MAGED1: variants seen among roughly 807,000 people sequenced by gnomAD.
MAGED1 encodes MAGE family member D1, also known as melanoma-associated antigen D1.
In MAGED1, 3 loss-of-function variants were observed where a neutral mutation model predicts 54.1. That is an observed-to-expected ratio of 0.06 (90% CI 0.03 to 0.14). The LOEUF (loss-of-function observed/expected upper bound fraction) is 0.14, where lower values mean the gene tolerates loss of function less well. Ranked by LOEUF, MAGED1 falls within the 10% of genes least tolerant of loss-of-function variation. The pLI is 1.00. For synonymous variants in MAGED1, 217 were observed against 227.3 expected (o/e 0.95, Z 0.41); for missense variants, 485 against 623.4 (o/e 0.78, Z 2.36).
In MAGED1 at chrX:51,900,309, C is replaced by G. The variant is rs1557364780; in HGVS notation, c.1959+13C>G. On this transcript the variant is annotated intron_variant, in intron 11 of 12. Transcript: ENST00000326587. ...ATTCATTGCAGAGGTAATGGAGGAA[C>G]TGTTCCAGCATTGATAGGTCAAGGG... The G allele has an allele frequency of 2.5e-5, 29 of 1,158,137 alleles. No homozygotes were observed. The highest frequency in any genetic ancestry group is 4.7e-4 in the Middle Eastern group (2 of 4,227).
intron 11 of MAGED1, among the ~76,000 whole-genome samples, chrX:51,900,712 C>T (rs1056668831): frequency 1.8e-5 from 2 of 111,634 alleles, no homozygotes; most frequent in Non-Finnish European, 3.8e-5. Flanking sequence ...TCACTGCAAC[C>T]TCTGCCTCCC....
At chrX:51,837,447 T>G (rs782596141) in intron 1 of MAGED1, among the ~76,000 whole-genome samples, 1 of 112,025 alleles carries the variant, frequency 8.9e-6, no homozygotes, top group Non-Finnish European at 1.9e-5. Context: ...AAAGGGATGA[T>G]AGCAGTGATT....
chrX:51,828,508 A>T (rs898175936), intron 1 of MAGED1, among the ~76,000 whole-genome samples: 1 of 110,549 alleles, frequency 9.0e-6, no homozygotes, highest in African/African-American at 3.3e-5. Flanking sequence ...CTTGCAGGAC[A>T]TGTCAGCTTA....
In MAGED1 at chrX:51,898,096, C is replaced by A; in HGVS notation, c.1659-18C>A. On this transcript the variant is annotated intron_variant, in intron 7 of 12. Coordinates refer to ENST00000326587, the MANE Select transcript of MAGED1 (RefSeq NM_006986.4). ...TGCAAATGGCTACTGAAAATATATT[C>A]TTTCTATATTCCCTTAGGACCAAAG... 1.7e-6 allele frequency: 2 copies of A among 1,190,043 alleles called. No homozygotes were observed. Among genetic ancestry groups the A allele is most frequent in the Non-Finnish European group, 1.1e-6 (1 of 877,159 alleles).
chrX:51,867,096 C>T lies in MAGED1; in HGVS notation c.-36-27173C>T, dbSNP rs782593521. On this transcript the variant is annotated intron_variant, in intron 1 of 12. Transcript: ENST00000375772. ...ATCATCTTTATTACTGATAACACTT[C>T]AGAGAATATGGCTTTAATGTGGACT... 2.7e-5 allele frequency among the ~76,000 whole-genome samples: 3 copies of T among 111,899 alleles called. No homozygotes were observed. In the East Asian group the frequency reaches 8.5e-4, roughly 32 times the overall value.
In MAGED1 at chrX:51,898,652, T is replaced by C. The variant is rs782551759; in HGVS notation, c.1844+9T>C. On this transcript the variant is annotated intron_variant, in intron 10 of 12. Transcript: ENST00000326587. ...GAGTTTGTAAAGCAGAAGTAAGTGA[T>C]GCCTAAGGGGCTTTTCCTGCTTCTT... The C allele has an allele frequency of 2.8e-5, 34 of 1,198,741 alleles. No homozygotes were observed. The highest frequency in any genetic ancestry group is 8.9e-5 in the East Asian group (3 of 33,783).
intron 10 of MAGED1, 160 bp downstream of exon 10, chrX:51,898,803 G>T: frequency 2.3e-6 from 1 of 438,695 alleles, no homozygotes; most frequent in South Asian, 4.8e-5. Context: ...AGGAGTTCAA[G>T]ACCAGCCTGG....
At chrX:51,880,293 A>G (rs991062321) in intron 1 of MAGED1, among the ~76,000 whole-genome samples, 1 of 112,033 alleles carries the variant, frequency 8.9e-6, no homozygotes, top group African/African-American at 3.2e-5. Context: ...TTGGACAGAC[A>G]TTGATGAACA....
chrX:51,813,962 C>G (rs1219850828), intron 1 of MAGED1, among the ~76,000 whole-genome samples: 1 of 110,896 alleles, frequency 9.0e-6, no homozygotes, highest in Admixed American at 9.6e-5. Context: ...TTAAAGTAGC[C>G]CTGGATCATG....
chrX:51,897,960 G>T, intron 7 of MAGED1, 74 bp downstream of exon 7: 1 of 938,371 alleles, frequency 1.1e-6, no homozygotes, highest in Non-Finnish European at 1.5e-6. Context: ...CGTAGATCAG[G>T]GTCCAGGGTT....
chrX:51,831,391 T>G, intron 1 of MAGED1, among the ~76,000 whole-genome samples: 1 of 111,568 alleles, frequency 9.0e-6, no homozygotes, highest in Non-Finnish European at 1.9e-5. Flanking sequence ...GCAGGTGGAT[T>G]ACCTGAGCCC....
chrX:51,852,343 T>A (rs1427219224), intron 1 of MAGED1, among the ~76,000 whole-genome samples: 1 of 111,889 alleles, frequency 8.9e-6, no homozygotes, highest in Non-Finnish European at 1.9e-5. Flanking sequence ...CAAAGCCCAT[T>A]TGCCATGTAA....
At chrX:51,883,209 C>A (rs1322561063) in intron 1 of MAGED1, among the ~76,000 whole-genome samples, 1 of 110,882 alleles carries the variant, frequency 9.0e-6, no homozygotes, top group Non-Finnish European at 1.9e-5. Flanking sequence ...AGATTTCCAC[C>A]CCTAATGAGT....
At chrX:51,846,203 G>A (rs1225889572) in intron 1 of MAGED1, among the ~76,000 whole-genome samples, 1 of 112,107 alleles carries the variant, frequency 8.9e-6, no homozygotes. Context: ...AGACTTTGCA[G>A]ATATGATTAA....
intron 1 of MAGED1, among the ~76,000 whole-genome samples, chrX:51,807,346 C>T (rs985335209): frequency 1.8e-5 from 2 of 110,995 alleles, no homozygotes; most frequent in Non-Finnish European, 3.8e-5. Context: ...GATGTGAATG[C>T]TTTGTCAGAT....
Position 51,844,947 on chromosome X carries a change from C to T in MAGED1, c.-37+41830C>T, listed in dbSNP as rs1367645982. ...AAGACAGGCTGATAAAAATATTTAG[C>T]AGTAGGCTGGGCGTGGTGGCACATG... On this transcript the variant is annotated intron_variant, in intron 1 of 12. Transcript: ENST00000375772. Among the ~76,000 whole-genome samples, 4 of 111,438 alleles carry T rather than the reference C, an allele frequency of 3.6e-5. 1 individual carries two copies. In the Admixed American group the frequency reaches 3.8e-4, roughly 11 times the overall value.
At chrX:51,824,898 G>GTGTA (rs1220939617) in intron 1 of MAGED1, among the ~76,000 whole-genome samples, 7 of 107,361 alleles carry the variant, frequency 6.5e-5, no homozygotes, top group Non-Finnish European at 1.3e-4. Flanking sequence ...GTGTGTGTGT[G>GTGTA]TGTAAAATTT....
chrX:51,880,661 C>T (rs1447663742), intron 1 of MAGED1, among the ~76,000 whole-genome samples: 1 of 111,375 alleles, frequency 9.0e-6, no homozygotes, highest in Non-Finnish European at 1.9e-5. Context: ...TAGAAAACCA[C>T]GGTGGTCTTA....
At position 51,809,771 on chromosome X, in the gene MAGED1, T is replaced by A. The variant is rs781910970; in HGVS notation, c.-37+6654T>A. 6.2e-4 allele frequency among the ~76,000 whole-genome samples: 69 copies of A among 111,383 alleles called. 1 individual carries two copies. Among genetic ancestry groups the A allele is most frequent in the African/African-American group, 2.1e-3 (63 of 30,681 alleles). On this transcript the variant is annotated intron_variant, in intron 1 of 12. Transcript: ENST00000375772. ...CTTTTCCCACCAACCTTTCTTCTGT[T>A]GGTTTTAGCAGCCATTGATGATAAT...
Sources: allele counts gnomAD v4.1 joint callset (sites outside exome capture counted in the v4.1 genomes callset), GRCh38; gene constraint gnomAD v4.1.1; transcripts MANE v1.5; gene names NCBI Gene and HGNC (gene_info 2026-07-23, HGNC 2026-07-21).